CDH4: variants seen among roughly 807,000 people sequenced by gnomAD.
CDH4 encodes cadherin-4.
In CDH4, 33 loss-of-function variants were observed where a neutral mutation model predicts 86.0. The observed-to-expected ratio is 0.38, with a 90% confidence interval of 0.29 to 0.51. The LOEUF (loss-of-function observed/expected upper bound fraction) is 0.51. CDH4 is among the 20% of genes least tolerant of loss of function. The pLI is 0.86. For missense variants in CDH4, 1,114 were observed against 1,307.4 expected (o/e 0.85, Z 2.28); for synonymous variants, 555 against 549.4 (o/e 1.01, Z -0.14).
In CDH4 at chr20:61,684,594, G is replaced by T. The variant is rs2145862720; in HGVS notation, c.170-58969G>T. On this transcript the variant is annotated intron_variant, in intron 2 of 15. Coordinates refer to ENST00000614565, the MANE Select transcript of CDH4 (RefSeq NM_001794.5). The surrounding 1 kb of genome is among the most constrained non-coding windows in gnomAD (Gnocchi z 4.5). ...CTGGGCTCCGTCCTGGGGGCTGAAA[G>T]GCTCCTGGGGGTTCAGTCTCTAACC... 6.6e-6 allele frequency among the ~76,000 whole-genome samples: 1 copy of T among 152,320 alleles called. No homozygotes were observed. The highest frequency in any genetic ancestry group is 2.1e-4 in the South Asian group (1 of 4,820).
intron 2 of CDH4, among the ~76,000 whole-genome samples, chr20:61,656,669 G>A (rs6142821): frequency 0.35 from 53,722 of 152,032 alleles, 9,650 homozygotes; most frequent in East Asian, 0.57. Context: ...CCCTGTGTCT[G>A]ACCAGGTCAC....
At chr20:61,640,355 G>C (rs1359784896) in intron 2 of CDH4, among the ~76,000 whole-genome samples, 1 of 152,236 alleles carries the variant, frequency 6.6e-6, no homozygotes, top group Non-Finnish European at 1.5e-5. Flanking sequence ...GAGGGCCCCA[G>C]CTGCAGAGAT....
Position 61,544,193 on chromosome 20 carries a change from T to C in CDH4, c.170-199370T>C, listed in dbSNP as rs905130487. On this transcript the variant is annotated intron_variant, in intron 2 of 15. Transcript: ENST00000614565. This position sits in a 1 kb window ranked among gnomAD's most constrained non-coding sequence, Gnocchi z 6.5. ...TGCGGTTCTCTTTCAGAGATGATGC[T>C]GCCCCGTCTCCCCAGGGGACCTCGG... 5.9e-5 allele frequency among the ~76,000 whole-genome samples: 9 copies of C among 152,200 alleles called. No homozygotes were observed. Among genetic ancestry groups the C allele is most frequent in the African/African-American group, 1.7e-4 (7 of 41,452 alleles).
chr20:61,440,958 C>T (rs896268432), intron 2 of CDH4, among the ~76,000 whole-genome samples: 3 of 152,178 alleles, frequency 2.0e-5, no homozygotes, highest in African/African-American at 7.2e-5. Flanking sequence ...AGAAAAGTGT[C>T]AAAACAGTCA....
chr20:61,748,922 A>G lies in CDH4; in HGVS notation c.396+5133A>G, dbSNP rs184846647. On this transcript the variant is annotated intron_variant, in intron 3 of 15. Coordinates refer to ENST00000614565, the MANE Select transcript of CDH4 (RefSeq NM_001794.5). ...TGAAAACAGAATAGATGGGCTACAC[A>G]TTTCTCTTTGTTGTAATTTAAAAAA... Among the ~76,000 whole-genome samples the G allele has an allele frequency of 7.9e-5, 12 of 152,368 alleles. No individual in the cohort carries two copies. The East Asian group carries it at 1.5e-3, about 20-fold the overall frequency.
At chr20:61,665,240 G>A (rs1456331760) in intron 2 of CDH4, among the ~76,000 whole-genome samples, 1 of 152,254 alleles carries the variant, frequency 6.6e-6, no homozygotes, top group Non-Finnish European at 1.5e-5. Flanking sequence ...TGGGCTGGGG[G>A]CGGCCTTGGC....
chr20:61,538,263 G>A (rs1249584178), intron 2 of CDH4, among the ~76,000 whole-genome samples: 2 of 152,136 alleles, frequency 1.3e-5, no homozygotes, highest in East Asian at 3.9e-4. Context: ...ATCCAGCAGT[G>A]TCCTTTATCC....
At chr20:61,620,350 AGAT>A (rs990651243) in intron 2 of CDH4, among the ~76,000 whole-genome samples, 8 of 151,926 alleles carry the variant, frequency 5.3e-5, no homozygotes, top group South Asian at 2.1e-4. Flanking sequence ...ATGGATAGAT[AGAT>A]GATGATGATG....
chr20:61,358,679 C>T (rs1342601215), intron 2 of CDH4, among the ~76,000 whole-genome samples: 1 of 152,200 alleles, frequency 6.6e-6, no homozygotes, highest in Admixed American at 6.5e-5. Flanking sequence ...TTGCAAACCT[C>T]ACATTTGTCT....
chr20:61,754,569 A>C lies in CDH4; in HGVS notation c.396+10780A>C, dbSNP rs537925580. Among the ~76,000 whole-genome samples the C allele has an allele frequency of 9.7e-4, 148 of 152,162 alleles. No homozygotes were observed. Among genetic ancestry groups the C allele is most frequent in the Non-Finnish European group, 1.0e-3 (70 of 67,978 alleles). On this transcript the variant is annotated intron_variant, in intron 3 of 15. Coordinates refer to ENST00000614565, the MANE Select transcript of CDH4 (RefSeq NM_001794.5). The surrounding 1 kb of genome is among the most constrained non-coding windows in gnomAD (Gnocchi z 4.7). ...CGGGTGCCATTCCAAGGGCAGCAGC[A>C]CACAACAGGTGCAGGCACACTGCCC... is the stretch of plus-strand genomic sequence containing the variant.
At chr20:61,585,643 A>G (rs1012039195) in intron 2 of CDH4, among the ~76,000 whole-genome samples, 5 of 151,510 alleles carry the variant, frequency 3.3e-5, no homozygotes, top group East Asian at 1.9e-4. Flanking sequence ...GATGGTGATG[A>G]TGATGGTGAT....
rs762923466 is a variant in CDH4 at position 61,934,229 on chromosome 20, C to G, written c.2544+9C>G. Reference sequence around the variant, plus strand: ...GTGACTTCATCAATGAGGTGTGTGCCTCTCGGCAGTGGGGGGCCCGGGCAA... The same window carrying G: ...GTGACTTCATCAATGAGGTGTGTGCGTCTCGGCAGTGGGGGGCCCGGGCAA... On this transcript the variant is annotated intron_variant, in intron 15 of 15. Transcript: ENST00000614565. The G allele has an allele frequency of 3.9e-6, 6 of 1,526,900 alleles. No homozygotes were observed. 94.6% of individuals were successfully genotyped at this position (1,526,900 alleles called of 1,614,324 possible).
At chr20:61,776,820 A>G (rs1418690672) in intron 4 of CDH4, among the ~76,000 whole-genome samples, 3 of 152,234 alleles carry the variant, frequency 2.0e-5, no homozygotes, top group Non-Finnish European at 4.4e-5. Context: ...TCGTGCCTAC[A>G]TGCCACTGGC....
At chr20:61,474,143 G>A (rs1217989053) in intron 2 of CDH4, among the ~76,000 whole-genome samples, 2 of 141,492 alleles carry the variant, frequency 1.4e-5, no homozygotes, top group African/African-American at 5.2e-5. Context: ...CTTTTGTCAT[G>A]GAATAGGACT....
intron 12 of CDH4, 79 bp from the exon 13 acceptor site, chr20:61,929,530 T>A: frequency 9.2e-7 from 1 of 1,087,024 alleles, no homozygotes; most frequent in Admixed American, 1.8e-5. Context: ...CCATCGGACT[T>A]TTAGTCTTTT....
intron 2 of CDH4, among the ~76,000 whole-genome samples, chr20:61,306,330 T>G (rs2084416997): frequency 8.7e-6 from 1 of 114,354 alleles, no homozygotes; most frequent in Admixed American, 1.1e-4. Context: ...GTAAGTTTTC[T>G]TTTTTCTTTC....
intron 2 of CDH4, among the ~76,000 whole-genome samples, chr20:61,707,392 A>G (rs1198543774): frequency 1.3e-5 from 2 of 152,218 alleles, no homozygotes; most frequent in African/African-American, 4.8e-5. Context: ...TTATACAGGG[A>G]AAGGACATCT....
At chr20:61,607,601 C>G (rs2086655158) in intron 2 of CDH4, among the ~76,000 whole-genome samples, 1 of 152,164 alleles carries the variant, frequency 6.6e-6, no homozygotes, top group Non-Finnish European at 1.5e-5. Flanking sequence ...TTTTCCGACA[C>G]CTACGTGGAC....
intron 4 of CDH4, among the ~76,000 whole-genome samples, chr20:61,815,114 A>G (rs1980646446): frequency 6.6e-6 from 1 of 152,152 alleles, no homozygotes. Context: ...GTTCCCTTTA[A>G]TATGTTAAGC....
Sources: allele counts gnomAD v4.1 joint callset (sites outside exome capture counted in the v4.1 genomes callset), GRCh38; gene constraint gnomAD v4.1.1; non-coding constraint Gnocchi (gnomAD v3.1); transcripts MANE v1.5; gene names NCBI Gene and HGNC (gene_info 2026-07-23, HGNC 2026-07-21).